ATP6V1A: variants seen among roughly 807,000 people sequenced by gnomAD.
ATP6V1A encodes ATPase H+ transporting V1 subunit A.
Under a neutral mutation model 70.1 loss-of-function variants are expected in ATP6V1A, and 18 were observed. The observed-to-expected ratio is 0.26, with a 90% confidence interval of 0.18 to 0.38. The LOEUF (loss-of-function observed/expected upper bound fraction) is 0.38. Among genes scored for constraint, ATP6V1A ranks in the 10% least tolerant of loss-of-function variants. The probability of loss-of-function intolerance (pLI) is 1.00; values close to 1 mark genes in which losing one functional copy is unlikely to be tolerated. For synonymous variants in ATP6V1A, 232 were observed against 253.8 expected (o/e 0.91, Z 0.82); for missense variants, 424 against 772.4 (o/e 0.55, Z 5.35).
At chr3:113,787,357 T>G (rs530991845) in intron 6 of ATP6V1A, among the ~76,000 whole-genome samples, 49 of 152,326 alleles carry the variant, frequency 3.2e-4, no homozygotes, top group Non-Finnish European at 6.3e-4. Flanking sequence ...AACTTTAAGT[T>G]TGATGCTGGA....
intron 14 of ATP6V1A, 110 bp downstream of exon 14, chr3:113,805,635 C>T (rs1201116722): frequency 1.9e-6 from 2 of 1,058,678 alleles, no homozygotes; most frequent in African/African-American, 1.6e-5. Context: ...GTGGCATGAT[C>T]TTGTCTCACT....
intron 13 of ATP6V1A, 106 bp downstream of exon 13, chr3:113,803,783 T>C: frequency 1.3e-6 from 1 of 755,472 alleles, no homozygotes; most frequent in Non-Finnish European, 2.2e-6. Context: ...GCTCATACAC[T>C]CTGACTTAGT....
At chr3:113,789,057 G>T (rs554979548) in intron 7 of ATP6V1A, among the ~76,000 whole-genome samples, 182 bp downstream of exon 7, 178 of 152,046 alleles carry the variant, frequency 1.2e-3, no homozygotes, top group African/African-American at 3.3e-3. Context: ...TTAATTTTTT[G>T]TGTGTGTGTG....
chr3:113,757,830 G>C (rs1232854074), intron 1 of ATP6V1A, among the ~76,000 whole-genome samples: 2 of 152,302 alleles, frequency 1.3e-5, no homozygotes, highest in East Asian at 3.9e-4. Flanking sequence ...AATTTGCATA[G>C]GTCAAATAGT....
intron 2 of ATP6V1A, 81 bp from the exon 3 acceptor site, chr3:113,780,969 T>C: frequency 6.7e-7 from 1 of 1,498,844 alleles, no homozygotes. Flanking sequence ...ATACTGGGTT[T>C]ATTGGGTGTT....
chr3:113,790,855 A>G (rs981420152), intron 8 of ATP6V1A, among the ~76,000 whole-genome samples: 8 of 152,076 alleles, frequency 5.3e-5, no homozygotes, highest in Non-Finnish European at 1.2e-4. Flanking sequence ...AGTTTGGCTG[A>G]GTATAAAATT....
At position 113,790,296 on chromosome 3, in the gene ATP6V1A, C is replaced by CT. The variant is rs1380689829; in HGVS notation, c.988+457dup. ...CCAGCCTGAGCGACAGAGCAAGACTCTGTCTCAAAAAAAAAAAAAAAAAAA... is the reference window on the plus strand; with the variant it reads ...CCAGCCTGAGCGACAGAGCAAGACTCTTGTCTCAAAAAAAAAAAAAAAAAAA... On this transcript the variant is annotated intron_variant, in intron 8 of 14. Coordinates refer to ENST00000273398, the MANE Select transcript of ATP6V1A (RefSeq NM_001690.4). Among the ~76,000 whole-genome samples the CT allele has an allele frequency of 5.2e-5, 6 of 115,832 alleles. No individual in the cohort carries two copies. In the East Asian group the frequency reaches 1.2e-3, roughly 23 times the overall value. The allele number at this position is 115,832 out of a possible 152,430, so 76.0% of individuals were successfully genotyped here. A position where few individuals can be genotyped will look rare whatever the true frequency, so the allele number is the denominator to read the frequency against.
intron 7 of ATP6V1A, 44 bp downstream of exon 7, chr3:113,788,919 C>T (rs748971971): frequency 6.5e-7 from 1 of 1,528,956 alleles, no homozygotes; most frequent in East Asian, 2.3e-5. Context: ...AAATACCACT[C>T]ATCAGTGTTC....
At chr3:113,798,939 G>C (rs1300700314) in intron 12 of ATP6V1A, among the ~76,000 whole-genome samples, 1 of 151,964 alleles carries the variant, frequency 6.6e-6, no homozygotes, top group East Asian at 1.9e-4. Flanking sequence ...TTCTTTGTCT[G>C]GTTTTGTTCT....
At chr3:113,751,151 G>T (rs1403585278) in intron 1 of ATP6V1A, among the ~76,000 whole-genome samples, 1 of 152,008 alleles carries the variant, frequency 6.6e-6, no homozygotes, top group Non-Finnish European at 1.5e-5. Flanking sequence ...AGGGACTTTT[G>T]AGTTAATGCT....
intron 12 of ATP6V1A, 96 bp downstream of exon 12, chr3:113,798,542 C>A: frequency 5.0e-6 from 5 of 999,072 alleles, no homozygotes; most frequent in Non-Finnish European, 5.5e-6. Context: ...TCTTGCCTAG[C>A]AAAATAAATA....
chr3:113,770,965 C>T (rs1708832691), intron 1 of ATP6V1A, among the ~76,000 whole-genome samples: 1 of 151,672 alleles, frequency 6.6e-6, no homozygotes, highest in Non-Finnish European at 1.5e-5. Flanking sequence ...TGTGGGGGCG[C>T]ATGCCTGTAA....
chr3:113,801,046 T>G (rs1004064690), intron 12 of ATP6V1A: 1 of 152,096 alleles, frequency 6.6e-6, no homozygotes, highest in African/African-American at 2.4e-5. Flanking sequence ...TCCCAGCTAC[T>G]TGGAAAGCTG....
At chr3:113,797,931 G>A (rs1002340364) in intron 11 of ATP6V1A, among the ~76,000 whole-genome samples, 2 of 152,040 alleles carry the variant, frequency 1.3e-5, no homozygotes, top group Non-Finnish European at 1.5e-5. Context: ...TCAGGAGTTC[G>A]AGACAAGCCT....
Position 113,794,910 on chromosome 3 carries a change from C to T in ATP6V1A, c.1027C>T (p.His343Tyr). 6.2e-7 allele frequency: 1 copy of T among 1,613,736 alleles called. No homozygotes were observed. The highest frequency in any genetic ancestry group is 8.5e-7 in the Non-Finnish European group (1 of 1,179,830). ...LSEYFRDMGYHVSMMADSTSR... is the reference protein window; with the variant it reads ...LSEYFRDMGYYVSMMADSTSR... The stretch of plus-strand genomic sequence containing the variant: ...AGAGTACTTCCGTGACATGGGCTAT[C>T]ATGTCAGTATGATGGCTGACTCTAC... Residue 343 changes from histidine (H) to tyrosine (Y), a missense_variant, in exon 9 of 15, where the codon CAT (histidine) becomes TAT (tyrosine). Coordinates refer to ENST00000273398, the MANE Select transcript of ATP6V1A (RefSeq NM_001690.4).
chr3:113,794,899 A>G lies in ATP6V1A; in HGVS notation c.1016A>G (p.Asp339Gly). The change falls in exon 9 of 15, where the codon GAC becomes GGC. Residue 339 changes from aspartate to glycine, a missense_variant. By Grantham distance (94) the Asp-to-Gly change is moderately conservative. This residue lies in a region of ATP6V1A where 58 missense variants were observed against 181.5 expected (regional missense o/e 0.32). Transcript: ENST00000273398. ...TGITLSEYFR[D>G]MGYHVSMMAD... ...ATCACACTGTCAGAGTACTTCCGTG[A>G]CATGGGCTATCATGTCAGTATGATG... 6.2e-7 allele frequency: 1 copy of G among 1,613,600 alleles called. No individual in the cohort carries two copies. The highest frequency in any genetic ancestry group is 8.5e-7 in the Non-Finnish European group (1 of 1,179,840).
rs1166431082 is a variant in ATP6V1A, at chr3:113,810,981, A to G, written c.*1554A>G. On this transcript the variant is annotated 3_prime_UTR_variant, in exon 15 of 15. Coordinates refer to ENST00000273398, the MANE Select transcript of ATP6V1A (RefSeq NM_001690.4). ...CTACTGATAACAGAATCTGGGTCACATGAAAAAAAATCATTTTATCCGTCT... is the reference window on the plus strand; with the variant it reads ...CTACTGATAACAGAATCTGGGTCACGTGAAAAAAAATCATTTTATCCGTCT... The G allele has an allele frequency of 6.6e-6, 1 of 152,212 alleles. No homozygotes were observed. The highest frequency in any genetic ancestry group is 1.5e-5 in the Non-Finnish European group (1 of 68,052). The allele number at this position is 152,212 out of a possible 1,614,324, so 9.4% of individuals were successfully genotyped here.
chr3:113,755,326 G>C (rs777576252), intron 1 of ATP6V1A, among the ~76,000 whole-genome samples: 1 of 151,858 alleles, frequency 6.6e-6, no homozygotes, highest in African/African-American at 2.4e-5. Context: ...TTTGCCAGCT[G>C]GGTGCAGTGG....
In ATP6V1A at chr3:113,798,383, G is replaced by T; in HGVS notation, c.1431G>T (p.Thr477=). ...KHFTEFVPLR[T]KAKEILQEEE... is the part of the protein sequence containing the mutation. ...TCACAGAGTTCGTTCCTCTGAGGAC[G>T]AAAGCTAAGGAAATTCTGCAGGAAG... The change falls in exon 12 of 15, where the codon ACG becomes ACT. Residue 477 remains threonine (T), a synonymous_variant. Coordinates refer to ENST00000273398, the MANE Select transcript of ATP6V1A (RefSeq NM_001690.4). 1 of 1,613,880 alleles carries T rather than the reference G, an allele frequency of 6.2e-7. No homozygotes were observed. Among genetic ancestry groups the T allele is most frequent in the Non-Finnish European group, 8.5e-7 (1 of 1,179,920 alleles).
Sources: allele counts gnomAD v4.1 joint callset (sites outside exome capture counted in the v4.1 genomes callset), GRCh38; gene constraint gnomAD v4.1.1; regional missense constraint gnomAD v4.1.1; transcripts MANE v1.5; gene names NCBI Gene and HGNC (gene_info 2026-07-23, HGNC 2026-07-21).